XXYLT1: variants seen among roughly 807,000 people sequenced by gnomAD.
The protein encoded by XXYLT1 is xyloside xylosyltransferase 1.
XXYLT1 carries 20 observed loss-of-function variants against 28.9 expected under a neutral mutation model. The ratio of observed to expected loss-of-function variants is 0.69; its 90% CI spans 0.49 to 1.00. The LOEUF (loss-of-function observed/expected upper bound fraction) is 1.00, where lower values mean the gene tolerates loss of function less well. Ranked by LOEUF, XXYLT1 falls within the 50% of genes least tolerant of loss-of-function variation. The probability of loss-of-function intolerance (pLI) is 0.00; values close to 1 mark genes in which losing one functional copy is unlikely to be tolerated. For missense variants in XXYLT1, 542 were observed against 560.1 expected (o/e 0.97, Z 0.33); for synonymous variants, 257 against 253.8 (o/e 1.01, Z -0.12).
chr3:195,185,402 A>G (rs1722148415), intron 2 of XXYLT1, among the ~76,000 whole-genome samples: 1 of 152,132 alleles, frequency 6.6e-6, no homozygotes, highest in Non-Finnish European at 1.5e-5. Context: ...GACATTCTCC[A>G]GAACCATGAG....
At chr3:195,177,339 C>T (rs1160944722) in intron 2 of XXYLT1, among the ~76,000 whole-genome samples, 1 of 152,162 alleles carries the variant, frequency 6.6e-6, no homozygotes, top group East Asian at 1.9e-4. Flanking sequence ...ACCTCAATTT[C>T]AAGATGACCT....
At chr3:195,249,480 A>C (rs1725165923) in intron 1 of XXYLT1, among the ~76,000 whole-genome samples, 1 of 152,186 alleles carries the variant, frequency 6.6e-6, no homozygotes, top group Non-Finnish European at 1.5e-5. Flanking sequence ...CAAAGAAAGG[A>C]AACATGTCAG....
At chr3:195,244,488 G>A (rs536806524) in intron 1 of XXYLT1, among the ~76,000 whole-genome samples, 3 of 152,270 alleles carry the variant, frequency 2.0e-5, no homozygotes, top group South Asian at 4.1e-4. Flanking sequence ...CCGGCCGGGC[G>A]CGGTGGCTCA....
In XXYLT1 at chr3:195,271,105, C is replaced by A. The variant is rs921142860; in HGVS notation, c.-47G>T. On this transcript the variant is annotated 5_prime_UTR_variant, in exon 1 of 4. Transcript: ENST00000310380. ...AGCGGTGCCAGCAACGCGGGAGAGC[C>A]CTCGGGTACCCGGACGCCGGCGGCC... is the stretch of plus-strand genomic sequence containing the variant. 32 of 1,285,924 alleles carry A rather than the reference C, an allele frequency of 2.5e-5. No individual in the cohort carries two copies. The African/African-American group carries it at 3.9e-4, about 16-fold the overall frequency. The allele number at this position is 1,285,924 out of a possible 1,614,324, so 79.7% of individuals were successfully genotyped here.
At chr3:195,111,703 T>C (rs963666107) in intron 3 of XXYLT1, among the ~76,000 whole-genome samples, 5 of 152,182 alleles carry the variant, frequency 3.3e-5, no homozygotes, top group African/African-American at 1.2e-4. Context: ...AAGCCTATCT[T>C]TTCTCACAGA....
intron 3 of XXYLT1, among the ~76,000 whole-genome samples, chr3:195,089,809 T>C (rs1273221255): frequency 4.7e-5 from 7 of 150,264 alleles, no homozygotes; most frequent in African/African-American, 1.5e-4. Flanking sequence ...ACACATAGGC[T>C]CAAAATAAAA....
At chr3:195,137,485 C>G (rs2108640963) in intron 3 of XXYLT1, among the ~76,000 whole-genome samples, 1 of 152,272 alleles carries the variant, frequency 6.6e-6, no homozygotes, top group East Asian at 1.9e-4. Context: ...TGTGCACCTG[C>G]CTGTAACCTC....
Position 195,173,091 on chromosome 3 carries a change from T to A in XXYLT1, c.653-16510A>T, listed in dbSNP as rs1394770445. On this transcript the variant is annotated intron_variant, in intron 2 of 3. Coordinates refer to ENST00000310380, the MANE Select transcript of XXYLT1 (RefSeq NM_152531.5). The surrounding 1 kb of genome is among the most constrained non-coding windows in gnomAD (Gnocchi z 4.3). ...TTGGCACCTCTCCATGCCTCTACCC[T>A]GATCCTGGCGTCCTGGTACACATCT... is the stretch of plus-strand genomic sequence containing the variant. Among the ~76,000 whole-genome samples, 1 of 152,212 alleles carries A rather than the reference T, an allele frequency of 6.6e-6. No individual in the cohort carries two copies. Among genetic ancestry groups the A allele is most frequent in the Non-Finnish European group, 1.5e-5 (1 of 68,034 alleles).
At chr3:195,153,371 C>T (rs145131050) in intron 3 of XXYLT1, among the ~76,000 whole-genome samples, 14 of 152,270 alleles carry the variant, frequency 9.2e-5, no homozygotes, top group Middle Eastern at 3.4e-3. Context: ...CCAGAGCCAG[C>T]GGGGCACGCG....
chr3:195,103,128 G>T (rs1023064807), intron 3 of XXYLT1, among the ~76,000 whole-genome samples: 4 of 152,252 alleles, frequency 2.6e-5, no homozygotes. Flanking sequence ...GCTCACGCTA[G>T]TAACAGTCAG....
Position 195,145,726 on chromosome 3 carries a change from C to T in XXYLT1, c.785+10723G>A, listed in dbSNP as rs114402445. 4.3e-3 allele frequency among the ~76,000 whole-genome samples: 662 copies of T among 152,370 alleles called. 3 individuals are homozygous for T. The highest frequency in any genetic ancestry group is 0.015 in the African/African-American group (630 of 41,584). ...ATCCACCAGCCTCATAATGAGCGCT[C>T]GTCTACAGACGCAAGGACACCGCAG... On this transcript the variant is annotated intron_variant, in intron 3 of 3. Coordinates refer to ENST00000310380, the MANE Select transcript of XXYLT1 (RefSeq NM_152531.5).
chr3:195,095,487 G>C (rs1240728312), intron 3 of XXYLT1: 1 of 154,046 alleles, frequency 6.5e-6, no homozygotes, highest in Admixed American at 6.5e-5. Flanking sequence ...TCCTAGAGCT[G>C]AGCCTTGCAG....
chr3:195,101,995 G>A (rs7634710), intron 3 of XXYLT1, among the ~76,000 whole-genome samples: 16,988 of 97,854 alleles, frequency 0.17, 2,601 homozygotes, highest in African/African-American at 0.33. Flanking sequence ...CGGGGAGGGA[G>A]GACAGAAAGA....
chr3:195,218,089 G>C (rs969623658), intron 2 of XXYLT1, among the ~76,000 whole-genome samples: 2 of 149,086 alleles, frequency 1.3e-5, no homozygotes, highest in Admixed American at 1.3e-4. Flanking sequence ...AATAAATGGT[G>C]CTGGGAAAAC....
intron 1 of XXYLT1, among the ~76,000 whole-genome samples, chr3:195,261,129 A>C (rs1009634451): frequency 4.6e-5 from 7 of 152,310 alleles, no homozygotes; most frequent in African/African-American, 1.7e-4. Flanking sequence ...CTGCACTTTT[A>C]TACATTCTAA....
chr3:195,076,686 G>T lies in XXYLT1; in HGVS notation c.786-6575C>A, dbSNP rs1350191640. Among the ~76,000 whole-genome samples the T allele has an allele frequency of 6.6e-6, 1 of 152,192 alleles. No homozygotes were observed. Among genetic ancestry groups the T allele is most frequent in the Non-Finnish European group, 1.5e-5 (1 of 68,034 alleles). On this transcript the variant is annotated intron_variant, in intron 3 of 3. Coordinates refer to ENST00000310380, the MANE Select transcript of XXYLT1 (RefSeq NM_152531.5). The surrounding 1 kb of genome is among the most constrained non-coding windows in gnomAD (Gnocchi z 5.3). ...AGCTGGCTCTGTCTGGGCTAGGAGG[G>T]AGGGTCTGTTCCAGGCGCTCCCCTC...
chr3:195,261,904 A>C (rs1018465600), intron 1 of XXYLT1, among the ~76,000 whole-genome samples: 3 of 152,224 alleles, frequency 2.0e-5, no homozygotes, highest in Non-Finnish European at 4.4e-5. Flanking sequence ...CAGGACCTCC[A>C]TACACTGCTG....
rs1269176862 is a variant in XXYLT1 at position 195,156,560 on chromosome 3, A to G, written c.674T>C (p.Leu225Pro). 6.2e-7 allele frequency: 1 copy of G among 1,614,248 alleles called. No homozygotes were observed. Among genetic ancestry groups the G allele is most frequent in the Admixed American group, 1.7e-5 (1 of 60,030 alleles). The change falls in exon 3 of 4, where the codon CTG becomes CCG. Residue 225 changes from leucine to proline, a missense_variant. Transcript: ENST00000310380. ...MPKEILQIIQ[L>P]DLDLKFKTNI... is the part of the protein sequence containing the mutation. ...GGTCTTAAACTTCAGGTCTAGGTCC[A>G]GCTGAATGATCTGCAGGATCTCTGC...
intron 3 of XXYLT1, among the ~76,000 whole-genome samples, chr3:195,116,697 CTG>C (rs1472997153): frequency 1.3e-5 from 2 of 152,172 alleles, no homozygotes; most frequent in Non-Finnish European, 2.9e-5. Context: ...ACTCTAAAAA[CTG>C]TGCAGAAGGG....
Sources: allele counts gnomAD v4.1 joint callset (sites outside exome capture counted in the v4.1 genomes callset), GRCh38; gene constraint gnomAD v4.1.1; non-coding constraint Gnocchi (gnomAD v3.1); transcripts MANE v1.5; gene names NCBI Gene and HGNC (gene_info 2026-07-23, HGNC 2026-07-21).